NPRL3: variants seen among roughly 807,000 people sequenced by gnomAD.
NPRL3 encodes GATOR1 complex protein NPRL3.
In NPRL3, 23 loss-of-function variants were observed where a neutral mutation model predicts 57.2. That is an observed-to-expected ratio of 0.40 (90% CI 0.29 to 0.57). The LOEUF is 0.57. Among genes scored for constraint, NPRL3 ranks in the 20% least tolerant of loss-of-function variants. NPRL3 has a pLI of 0.42. For synonymous variants in NPRL3, 333 were observed against 321.1 expected, an observed-to-expected ratio of 1.04 and a Z score of -0.39; for missense variants, 691 against 767.1, an observed-to-expected ratio of 0.90 and a Z score of 1.17.
intron 3 of NPRL3, chr16:123,394 T>TGCC: frequency 2.2e-6 from 1 of 451,042 alleles, no homozygotes; most frequent in East Asian, 7.1e-5. Context: ...CACGCCTGTG[T>TGCC]GCCTCATCAG....
At chr16:130,455 G>A in intron 3 of NPRL3, 67 bp downstream of exon 3, 1 of 1,450,122 alleles carries the variant, frequency 6.9e-7, no homozygotes, top group Admixed American at 2.0e-5. Context: ...GTGAATAGGA[G>A]GGTGGGGCTT....
chr16:131,611 A>AAAC (rs1320938014), intron 2 of NPRL3, among the ~76,000 whole-genome samples: 3 of 151,428 alleles, frequency 2.0e-5, no homozygotes, highest in Non-Finnish European at 4.4e-5. Context: ...AAAAAAAAAA[A>AAAC]AAAAAAAACG....
intron 2 of NPRL3, among the ~76,000 whole-genome samples, chr16:133,354 A>G (rs1017365795): frequency 3.3e-5 from 5 of 151,922 alleles, no homozygotes; most frequent in Non-Finnish European, 7.4e-5. Flanking sequence ...CCTCCCGAGT[A>G]GCTGGGGATT....
chr16:96,133 C>CT (rs1268857580), intron 9 of NPRL3, among the ~76,000 whole-genome samples: 1 of 152,320 alleles, frequency 6.6e-6, no homozygotes, highest in East Asian at 1.9e-4. Context: ...GAGACCAAAG[C>CT]TTTGTCCAAG....
intron 7 of NPRL3, among the ~76,000 whole-genome samples, chr16:100,884 T>TGG (rs1899265656): frequency 7.5e-6 from 1 of 134,044 alleles, no homozygotes; most frequent in Admixed American, 8.5e-5. Flanking sequence ...GGCAGGAGAA[T>TGG]CACTTGAACC....
At chr16:123,515 C>T (rs1409293647) in intron 3 of NPRL3, 1 of 471,020 alleles carries the variant, frequency 2.1e-6, no homozygotes, top group Non-Finnish European at 4.4e-6. Context: ...ACCCTGCAAC[C>T]AATTGCTCAT....
At chr16:135,274 C>T (rs1213147008) in intron 2 of NPRL3, among the ~76,000 whole-genome samples, 1 of 152,200 alleles carries the variant, frequency 6.6e-6, no homozygotes, top group African/African-American at 2.4e-5. Context: ...TGCAGTTCAT[C>T]TGCAACTCTT....
At chr16:134,552 G>C (rs890972205) in intron 2 of NPRL3, among the ~76,000 whole-genome samples, 8 of 152,102 alleles carry the variant, frequency 5.3e-5, no homozygotes, top group Admixed American at 1.3e-4. Context: ...CCAAGAGCTT[G>C]GGAGTGGGAC....
chr16:98,003 G>A, intron 9 of NPRL3, 142 bp downstream of exon 9: 2 of 1,022,126 alleles, frequency 2.0e-6, no homozygotes, highest in East Asian at 2.5e-5. Flanking sequence ...AGCCATCCCA[G>A]GGACTGGCCC....
intron 12 of NPRL3, chr16:89,490 A>G: frequency 4.0e-6 from 2 of 505,718 alleles, no homozygotes; most frequent in Non-Finnish European, 6.9e-6. Flanking sequence ...CCCTAATTCT[A>G]GCAAGCCTGC....
In NPRL3 at chr16:112,610, T is replaced by C. The variant is rs1394524575; in HGVS notation, c.547+12A>G. ...GCCCAGACCCATGCCCATCACGCCC[T>C]GCTGCACTCACCATCAGCCATGGCG... On this transcript the variant is annotated intron_variant, in intron 6 of 13. Transcript: ENST00000611875. The C allele has an allele frequency of 2.6e-6, 4 of 1,561,724 alleles. No homozygotes were observed. Among genetic ancestry groups the C allele is most frequent in the Non-Finnish European group, 3.5e-6 (4 of 1,150,106 alleles).
At chr16:119,342 A>T in intron 3 of NPRL3, 87 bp from the exon 4 acceptor site, 3 of 1,323,216 alleles carry the variant, frequency 2.3e-6, no homozygotes, top group Non-Finnish European at 3.1e-6. Context: ...GAAGGGTCTC[A>T]GTAAACTGCA....
chr16:86,714 CAG>C lies in NPRL3; in HGVS notation c.1699_1700del (p.Leu567AlafsTer85). On this transcript the variant is annotated frameshift_variant, in exon 14 of 14. Transcript: ENST00000611875. LOFTEE classifies it high-confidence loss of function. Reference protein sequence around the residue: ...EDPVIAVFQALLP With the variant: ...EDPVIAVFQAXLP ...CGCCCTCCGCCTGGGCTCAGGGGAG[CAG>C]AGCCTGGAAGACGGCAATGACAGGG... The C allele has an allele frequency of 6.4e-7, 1 of 1,555,916 alleles. No homozygotes were observed. The highest frequency in any genetic ancestry group is 2.4e-5 in the East Asian group (1 of 41,170).
At chr16:136,053 A>T (rs1901059115) in intron 2 of NPRL3, among the ~76,000 whole-genome samples, 1 of 152,250 alleles carries the variant, frequency 6.6e-6, no homozygotes, top group South Asian at 2.1e-4. Context: ...AAAGATTGAA[A>T]AATCTAACCT....
chr16:104,372 A>G (rs1339618872), intron 7 of NPRL3, among the ~76,000 whole-genome samples: 1 of 152,134 alleles, frequency 6.6e-6, no homozygotes, highest in Non-Finnish European at 1.5e-5. Flanking sequence ...AACTGGAGAG[A>G]GTTATAGGGA....
chr16:118,305 C>T (rs1430377848), intron 4 of NPRL3, among the ~76,000 whole-genome samples: 1 of 152,184 alleles, frequency 6.6e-6, no homozygotes, highest in African/African-American at 2.4e-5. Context: ...CTCTGGTGTA[C>T]AAGTTCCCTT....
chr16:103,211 C>T (rs1032885011), intron 7 of NPRL3, among the ~76,000 whole-genome samples: 3 of 150,888 alleles, frequency 2.0e-5, no homozygotes, highest in Non-Finnish European at 2.9e-5. Context: ...GCGCCATCTC[C>T]GCTCACTGCA....
At chr16:106,829 C>T (rs764444248) in intron 7 of NPRL3, among the ~76,000 whole-genome samples, 3 of 152,070 alleles carry the variant, frequency 2.0e-5, no homozygotes, top group Admixed American at 6.6e-5. Context: ...GAAACTCAGT[C>T]TCCTCCTCTC....
At chr16:90,109 G>A (rs1397110983) in intron 11 of NPRL3, 2 of 547,512 alleles carry the variant, frequency 3.7e-6, no homozygotes, top group African/African-American at 2.0e-5. Flanking sequence ...GAGGGGCCAG[G>A]GGAACATCTG....
Sources: gnomAD v4.1 joint callset for allele counts (sites outside exome capture counted in the v4.1 genomes callset) on GRCh38, gnomAD v4.1.1 for gene constraint, MANE v1.5 for transcripts, NCBI Gene and HGNC (gene_info 2026-07-23, HGNC 2026-07-21) for gene names.